The following SENP3 variants were observed in gnomAD, a reference collection of about 807,000 sequenced individuals.
SENP3 encodes the protein SUMO specific peptidase 3.
Under a neutral mutation model 66.2 loss-of-function variants are expected in SENP3, and 11 were observed. The ratio of observed to expected loss-of-function variants is 0.17; its 90% CI spans 0.10 to 0.28. SENP3 has a LOEUF of 0.28. Ranked by LOEUF, SENP3 falls within the 10% of genes least tolerant of loss-of-function variation. The pLI, the probability that SENP3 is intolerant of heterozygous loss-of-function variation, is 1.00. For missense variants in SENP3, 548 were observed against 743.7 expected (o/e 0.74, Z 3.06); for synonymous variants, 292 against 277.6 (o/e 1.05, Z -0.52).
chr17:7,563,310 GGAA>G lies in SENP3; in HGVS notation c.240_242del (p.Glu85del), dbSNP rs746919585. 29 of 1,552,878 alleles carry G rather than the reference GGAA, an allele frequency of 1.9e-5. No homozygotes were observed. The highest frequency in any genetic ancestry group is 1.7e-4 in the Middle Eastern group (1 of 5,998). ...TTGATGCCTCAGCAAGTGAAGAGGAGGAAGAAGAGGAGGAGGAGGAGGATGAAG... is the reference window on the plus strand; with the variant it reads ...TTGATGCCTCAGCAAGTGAAGAGGAGGAAGAGGAGGAGGAGGAGGATGAAG... On this transcript the variant is annotated inframe_deletion, in exon 2 of 11. Coordinates refer to ENST00000321337, the MANE Select transcript of SENP3 (RefSeq NM_015670.6).
chr17:7,571,080 C>G (rs1196817903), intron 10 of SENP3, 147 bp downstream of exon 10: 2 of 746,148 alleles, frequency 2.7e-6, no homozygotes, highest in Admixed American at 2.8e-5. Context: ...ACTGGCTTCA[C>G]TGGTTCTCTT....
chr17:7,563,258 G>A lies in SENP3; in HGVS notation c.182G>A (p.Arg61Lys), dbSNP rs1277542114. Residue 61 changes from arginine to lysine, a missense_variant, in exon 2 of 11, where the codon AGA (arginine) becomes AAA (lysine). Around this residue, in one of 6 missense-constraint regions of SENP3, gnomAD observed 164 missense variants for 167.9 expected, o/e 0.98. Coordinates refer to ENST00000321337, the MANE Select transcript of SENP3 (RefSeq NM_015670.6). ...GGGTCAGGGACCACAGTGCCAGCCAGACGCCTCCCTGTCCCCCGACCCTCT... is the reference window on the plus strand; with the variant it reads ...GGGTCAGGGACCACAGTGCCAGCCAAACGCCTCCCTGTCCCCCGACCCTCT... ...DPGSGTTVPA[R>K]RLPVPRPSFD... 8 of 1,556,902 alleles carry A rather than the reference G, an allele frequency of 5.1e-6. No homozygotes were observed. The South Asian group carries it at 9.5e-5, about 18-fold the overall frequency.
intron 7 of SENP3, among the ~76,000 whole-genome samples, chr17:7,568,477 T>G (rs1333008927): frequency 6.6e-6 from 1 of 151,988 alleles, no homozygotes; most frequent in African/African-American, 2.4e-5. Context: ...GCGCCTGTAG[T>G]CCCCGGGAGG....
intron 7 of SENP3, among the ~76,000 whole-genome samples, 182 bp downstream of exon 7, chr17:7,567,186 T>C (rs950566034): frequency 1.3e-5 from 2 of 152,142 alleles, no homozygotes; most frequent in African/African-American, 4.8e-5. Context: ...AAAGTTAAAT[T>C]GCAGCTAGTG....
In SENP3 at chr17:7,571,558, C is replaced by T. The variant is rs1378474318; in HGVS notation, c.*75C>T. On this transcript the variant is annotated 3_prime_UTR_variant, in exon 11 of 11. Transcript: ENST00000321337. The stretch of plus-strand genomic sequence containing the variant: ...GTCCCTTCCCAAGAAACTCCAGTTC[C>T]TTTCCTCTCTTGCCTCTTCCCACTC... 2.1e-6 allele frequency: 2 copies of T among 936,756 alleles called. No homozygotes were observed. The highest frequency in any genetic ancestry group is 3.3e-5 in the African/African-American group (2 of 61,002). 58.0% of individuals were successfully genotyped at this position (936,756 alleles called of 1,614,324 possible).
intron 6 of SENP3, among the ~76,000 whole-genome samples, 178 bp from the exon 7 acceptor site, chr17:7,566,749 A>C (rs1464387552): frequency 1.3e-5 from 2 of 152,052 alleles, no homozygotes; most frequent in Non-Finnish European, 2.9e-5. Context: ...GCAGACAGAC[A>C]GATTGAGGCC....
At chr17:7,569,567 G>A (rs1234737719) in intron 7 of SENP3, among the ~76,000 whole-genome samples, 1 of 152,040 alleles carries the variant, frequency 6.6e-6, no homozygotes, top group African/African-American at 2.4e-5. Context: ...CCATTCAAAG[G>A]CCAGGAAATT....
At position 7,571,686 on chromosome 17, in the gene SENP3, A is replaced by G. The variant is rs1425906292; in HGVS notation, c.*203A>G. The G allele has an allele frequency of 8.4e-6, 4 of 474,682 alleles. No homozygotes were observed. The highest frequency in any genetic ancestry group is 3.6e-5 in the Admixed American group (1 of 27,960). The allele number at this position is 474,682 out of a possible 1,614,324, so 29.4% of individuals were successfully genotyped here. A position where few individuals can be genotyped will look rare whatever the true frequency, so the allele number is the denominator to read the frequency against. On this transcript the variant is annotated 3_prime_UTR_variant, in exon 11 of 11. Transcript: ENST00000321337. ...TGATGTGCAGGGGGTGGCTACAGAA[A>G]AGCCCCTTTCTTCCTCTGTTTGCAG...
At chr17:7,566,273 G>A (rs1382552910) in intron 6 of SENP3, among the ~76,000 whole-genome samples, 1 of 151,736 alleles carries the variant, frequency 6.6e-6, no homozygotes, top group Non-Finnish European at 1.5e-5. Context: ...CCCGTGAGGC[G>A]GAGGTTGCGG....
Position 7,570,719 on chromosome 17 carries a change from A to T in SENP3, c.1518A>T (p.Lys506Asn). The change falls in exon 9 of 11, where the codon AAA becomes AAT. Residue 506 changes from lysine (K) to asparagine (N), a missense_variant. By Grantham distance (94) the Lys-to-Asn change is moderately conservative. This residue lies in a region of SENP3 where 81 missense variants were observed against 139.8 expected (regional missense o/e 0.58). Transcript: ENST00000321337. This position sits in a 1 kb window ranked among gnomAD's most constrained non-coding sequence, Gnocchi z 5.4. ...AKYLQAEAVK[K>N]DRLDFHQGWK... ...ATCTACAGGCAGAGGCGGTAAAGAA[A>T]GACCGACTGGATTTCCACCAGGGCT... 6.2e-7 allele frequency: 1 copy of T among 1,613,170 alleles called. No individual in the cohort carries two copies. Among genetic ancestry groups the T allele is most frequent in the South Asian group, 1.1e-5 (1 of 90,890 alleles).
Position 7,570,834 on chromosome 17 carries a change from A to G in SENP3, c.1564-49A>G. On this transcript the variant is annotated intron_variant, in intron 9 of 10. Coordinates refer to ENST00000321337, the MANE Select transcript of SENP3 (RefSeq NM_015670.6). The surrounding 1 kb of genome is among the most constrained non-coding windows in gnomAD (Gnocchi z 5.4). ...GGTAGAAGGCAGAAATTGAAGTCCT[A>G]CCCCTGGGAGTCTCCATGTGAAGGG... 1.2e-6 allele frequency: 2 copies of G among 1,604,512 alleles called. No individual in the cohort carries two copies. The highest frequency in any genetic ancestry group is 2.2e-5 in the South Asian group (2 of 89,962).
Position 7,570,986 on chromosome 17 carries a change from G to A in SENP3, c.1614+53G>A. 6 of 1,531,250 alleles carry A rather than the reference G, an allele frequency of 3.9e-6. No individual in the cohort carries two copies. In the South Asian group the frequency reaches 4.6e-5, roughly 12 times the overall value. The allele number at this position is 1,531,250 out of a possible 1,614,324, so 94.9% of individuals were successfully genotyped here. A position where few individuals can be genotyped will look rare whatever the true frequency, so the allele number is the denominator to read the frequency against. On this transcript the variant is annotated intron_variant, in intron 10 of 10. Coordinates refer to ENST00000321337, the MANE Select transcript of SENP3 (RefSeq NM_015670.6). The surrounding 1 kb of genome is among the most constrained non-coding windows in gnomAD (Gnocchi z 5.4). Reference sequence around the variant, plus strand: ...TAGCTCTGAAGTCAGTTGGGTTAAAGGGTCGGGAGGCTGTTATGCATCCCC... The same window carrying A: ...TAGCTCTGAAGTCAGTTGGGTTAAAAGGTCGGGAGGCTGTTATGCATCCCC...
Position 7,565,498 on chromosome 17 carries a change from G to GT in SENP3, c.1127dup (p.Arg377GlufsTer8). 1 of 1,613,874 alleles carries GT rather than the reference G, an allele frequency of 6.2e-7. No homozygotes were observed. The highest frequency in any genetic ancestry group is 8.5e-7 in the Non-Finnish European group (1 of 1,179,846). On this transcript the variant is annotated frameshift_variant, in exon 5 of 11. Transcript: ENST00000321337. LOFTEE classifies it high-confidence loss of function. ...CCAGCGGATGCCAGGCAATGCCATGGTGAGGGGCTTCCGAGTGGCTTATAA... is the reference window on the plus strand; with the variant it reads ...CCAGCGGATGCCAGGCAATGCCATGGTTGAGGGGCTTCCGAGTGGCTTATAA...
intron 7 of SENP3, among the ~76,000 whole-genome samples, chr17:7,567,631 T>C (rs1028888481): frequency 3.3e-5 from 5 of 151,902 alleles, no homozygotes; most frequent in African/African-American, 4.8e-5. Context: ...CAGCCAGCCA[T>C]GCGCAGACCT....
At chr17:7,566,830 A>C in intron 6 of SENP3, 97 bp from the exon 7 acceptor site, 1 of 892,362 alleles carries the variant, frequency 1.1e-6, no homozygotes. Flanking sequence ...AAAAACCCAG[A>C]ATTTGTTTTT....
At chr17:7,565,109 C>T in intron 4 of SENP3, 39 bp downstream of exon 4, 1 of 1,426,768 alleles carries the variant, frequency 7.0e-7, no homozygotes, top group Non-Finnish European at 9.8e-7. Flanking sequence ...AGGGCTGGGG[C>T]CTTGGGGATG....
rs922465509 is a variant in SENP3 at position 7,562,037 on chromosome 17, T to G, written c.-238T>G. On this transcript the variant is annotated 5_prime_UTR_variant, in exon 1 of 11. Coordinates refer to ENST00000321337, the MANE Select transcript of SENP3 (RefSeq NM_015670.6). This position sits in a 1 kb window ranked among gnomAD's most constrained non-coding sequence, Gnocchi z 5.0. ...GCGCTGGTGGCGGCGGTGGCGGAGG[T>G]GGAGGTGGAGGTGGAAGCTGAAGCT... 2.0e-5 allele frequency: 8 copies of G among 391,990 alleles called. No homozygotes were observed. The highest frequency in any genetic ancestry group is 1.3e-4 in the African/African-American group (6 of 47,018). 24.3% of individuals were successfully genotyped at this position (391,990 alleles called of 1,614,324 possible).
In SENP3 at chr17:7,567,060, T is replaced by C. The variant is rs1351545270; in HGVS notation, c.1341+56T>C. The C allele has an allele frequency of 5.3e-6, 6 of 1,122,700 alleles. No homozygotes were observed. The East Asian group carries it at 1.5e-4, about 29-fold the overall frequency. The allele number at this position is 1,122,700 out of a possible 1,614,324, so 69.5% of individuals were successfully genotyped here. ...ATGCCTTGCCTCTAAAGAATGAGAG[T>C]CTTGTTTTCTCTGAGCCCTTTCCCT... On this transcript the variant is annotated intron_variant, in intron 7 of 10. Transcript: ENST00000321337.
rs188873899 is a variant in SENP3, at chr17:7,566,132, G to A, written c.1263+368G>A. The A allele has an allele frequency of 6.6e-3, 1,201 of 182,736 alleles. 24 individuals are homozygous for A. Among genetic ancestry groups the A allele is most frequent in the African/African-American group, 0.026 (1,071 of 41,746 alleles). 11.3% of individuals were successfully genotyped at this position (182,736 alleles called of 1,614,324 possible). ...CAGGGCGGGTGGATCACCTGAGGTCGGGAGTTCAAGACCAGCCTGACCAAT... is the reference window on the plus strand; with the variant it reads ...CAGGGCGGGTGGATCACCTGAGGTCAGGAGTTCAAGACCAGCCTGACCAAT... On this transcript the variant is annotated intron_variant, in intron 6 of 10. Coordinates refer to ENST00000321337, the MANE Select transcript of SENP3 (RefSeq NM_015670.6).
Sources: gnomAD v4.1 joint callset for allele counts (sites outside exome capture counted in the v4.1 genomes callset) on GRCh38, gnomAD v4.1.1 for gene constraint, gnomAD v4.1.1 regional missense constraint, Gnocchi (gnomAD v3.1) non-coding constraint, MANE v1.5 for transcripts, NCBI Gene and HGNC (gene_info 2026-07-23, HGNC 2026-07-21) for gene names.